NPAP1: variants seen among roughly 807,000 people sequenced by gnomAD.
The protein encoded by NPAP1 is nuclear pore-associated protein 1.
For synonymous variants in NPAP1, 616 were observed against 581.4 expected (o/e 1.06, Z -0.86); for missense variants, 1,483 against 1,454.5 (o/e 1.02, Z -0.32).
In NPAP1 at chr15:24,676,051, G is replaced by A; in HGVS notation, c.184G>A (p.Ala62Thr). 1 of 1,588,092 alleles carries A rather than the reference G, an allele frequency of 6.3e-7. No homozygotes were observed. The highest frequency in any genetic ancestry group is 8.6e-7 in the Non-Finnish European group (1 of 1,169,518). ...RRNARRRPSA[A>T]SIFVAPKRPC... ...GAACGCCCGTCGCAGGCCTTCAGCA[G>A]CCAGCATCTTCGTCGCCCCTAAGAG... is the stretch of plus-strand genomic sequence containing the variant. The change falls in exon 1 of 1, where the codon GCC becomes ACC. Residue 62 changes from alanine (A) to threonine (T), a missense_variant. Transcript: ENST00000329468.
rs1566758494 is a variant in NPAP1, at chr15:24,682,511, CTTT to C, written c.*3175_*3177del. On this transcript the variant is annotated 3_prime_UTR_variant, in exon 1 of 1. Coordinates refer to ENST00000329468, the MANE Select transcript of NPAP1 (RefSeq NM_018958.3). ...ACAACTGAAACTATTTCTAAATATTCTTTTATTTTTTATTAAGATAAAAAGCAA... is the reference window on the plus strand; with the variant it reads ...ACAACTGAAACTATTTCTAAATATTCTATTTTTTATTAAGATAAAAAGCAA... The C allele has an allele frequency of 6.0e-6, 1 of 166,882 alleles. No homozygotes were observed. Among genetic ancestry groups the C allele is most frequent in the Non-Finnish European group, 1.5e-5 (1 of 68,070 alleles). The allele number at this position is 166,882 out of a possible 1,614,324, so 10.3% of individuals were successfully genotyped here.
Position 24,676,771 on chromosome 15 carries a change from A to G in NPAP1, c.904A>G (p.Met302Val), listed in dbSNP as rs758802748. 25 of 1,613,664 alleles carry G rather than the reference A, an allele frequency of 1.5e-5. No individual in the cohort carries two copies. The South Asian group carries it at 2.4e-4, about 16-fold the overall frequency. Reference sequence around the variant, plus strand: ...GATTCCGCTGATGTCCGGAAAGAGGATGCCTGATGAGAAGCCTTTCTGTAT... The same window carrying G: ...GATTCCGCTGATGTCCGGAAAGAGGGTGCCTGATGAGAAGCCTTTCTGTAT... Reference protein sequence around the residue: ...LPIPLMSGKRMPDEKPFCIPP... With the variant: ...LPIPLMSGKRVPDEKPFCIPP... The change falls in exon 1 of 1, where the codon ATG (methionine) becomes GTG (valine). Residue 302 changes from methionine (M) to valine (V), a missense_variant. By Grantham distance (21) the Met-to-Val change is conservative. Transcript: ENST00000329468.
rs2048999407 is a variant in NPAP1 at position 24,679,025 on chromosome 15, C to T, written c.3158C>T (p.Pro1053Leu). Residue 1053 changes from proline to leucine, a missense_variant, in exon 1 of 1, where the codon CCA becomes CTA. Physicochemically the swap from Pro to Leu is moderately conservative, Grantham distance 98 (BLOSUM62 -3). Transcript: ENST00000329468. ...SGTPSTTSVF[P>L]FGQAAWDPTG... ...ACACCCAGCACCACTTCTGTTTTCC[C>T]ATTTGGTCAGGCAGCCTGGGACCCA... The T allele has an allele frequency of 1.9e-6, 3 of 1,614,194 alleles. No homozygotes were observed. Among genetic ancestry groups the T allele is most frequent in the South Asian group, 1.1e-5 (1 of 91,078 alleles).
chr15:24,678,487 A>C lies in NPAP1; in HGVS notation c.2620A>C (p.Ser874Arg), dbSNP rs756551074. Reference protein sequence around the residue: ...DSIASAQVSTSFPAQADRRPT... With the variant: ...DSIASAQVSTRFPAQADRRPT... ...CATTGCCTCAGCCCAAGTCTCCACC[A>C]GTTTTCCTGCACAGGCAGATAGGAG... Residue 874 changes from serine to arginine, a missense_variant, in exon 1 of 1, where the codon AGT (serine) becomes CGT (arginine). By Grantham distance (110) the Ser-to-Arg change is moderately radical. Transcript: ENST00000329468. The C allele has an allele frequency of 1.2e-6, 2 of 1,614,196 alleles. No individual in the cohort carries two copies. Among genetic ancestry groups the C allele is most frequent in the Non-Finnish European group, 1.7e-6 (2 of 1,180,030 alleles).
rs2048994610 is a variant in NPAP1 at position 24,678,611 on chromosome 15, T to G, written c.2744T>G (p.Ile915Ser). ...CAGCAGAAGTCTGACAGTTCTTTTA[T>G]TCTGGGGAATCCAGCAACCCCAGCA... ...DGQQKSDSSF[I>S]LGNPATPAPV... The change falls in exon 1 of 1, where the codon ATT becomes AGT. Residue 915 changes from isoleucine to serine, a missense_variant. Transcript: ENST00000329468. 1 of 1,614,034 alleles carries G rather than the reference T, an allele frequency of 6.2e-7. No individual in the cohort carries two copies. Among genetic ancestry groups the G allele is most frequent in the Middle Eastern group, 1.6e-4 (1 of 6,062 alleles).
In NPAP1 at chr15:24,679,598, C is replaced by A; in HGVS notation, c.*260C>A. 2.1e-6 allele frequency: 1 copy of A among 483,964 alleles called. No homozygotes were observed. The highest frequency in any genetic ancestry group is 3.8e-6 in the Non-Finnish European group (1 of 260,318). 30.0% of individuals were successfully genotyped at this position (483,964 alleles called of 1,614,324 possible). On this transcript the variant is annotated 3_prime_UTR_variant, in exon 1 of 1. Transcript: ENST00000329468. ...GGCAACATATCTTTAATTAGAGGCC[C>A]TTGTGTATCCACCTACCAACAAAGT...
rs921474573 is a variant in NPAP1, at chr15:24,681,859, G to A, written c.*2521G>A. ...ATAGATAGATAATATACATATATATGTATGGTCAATGACTGAGTTCCTTAG... is the reference window on the plus strand; with the variant it reads ...ATAGATAGATAATATACATATATATATATGGTCAATGACTGAGTTCCTTAG... On this transcript the variant is annotated 3_prime_UTR_variant, in exon 1 of 1. Transcript: ENST00000329468. The A allele has an allele frequency of 1.5e-5, 2 of 133,912 alleles. No homozygotes were observed. Among genetic ancestry groups the A allele is most frequent in the African/African-American group, 5.7e-5 (2 of 34,806 alleles). The allele number at this position is 133,912 out of a possible 1,614,324, so 8.3% of individuals were successfully genotyped here.
chr15:24,678,188 T>C lies in NPAP1; in HGVS notation c.2321T>C (p.Phe774Ser), dbSNP rs764123674. 6.2e-7 allele frequency: 1 copy of C among 1,612,914 alleles called. No homozygotes were observed. The highest frequency in any genetic ancestry group is 8.5e-7 in the Non-Finnish European group (1 of 1,179,784). The change falls in exon 1 of 1, where the codon TTT (phenylalanine) becomes TCT (serine). Residue 774 changes from phenylalanine to serine, a missense_variant. Phe to Ser is a radical substitution (Grantham distance 155, BLOSUM62 -2). Coordinates refer to ENST00000329468, the MANE Select transcript of NPAP1 (RefSeq NM_018958.3). ...CCAGGAGCCACCCCTCAACCCAAAT[T>C]TGGGGCCCCTGATGGGCCGCAGCAG... ...LNPGATPQPK[F>S]GAPDGPQQKT...
chr15:24,678,838 A>C lies in NPAP1; in HGVS notation c.2971A>C (p.Thr991Pro). The change falls in exon 1 of 1, where the codon ACT (threonine) becomes CCT (proline). Residue 991 changes from threonine to proline, a missense_variant. Thr to Pro is a conservative substitution (Grantham distance 38). Coordinates refer to ENST00000329468, the MANE Select transcript of NPAP1 (RefSeq NM_018958.3). ...TAGAATTGCCACTGGGATGCCTGGC[A>C]CTGGAGACAGTACCTTACTGGTTGG... ...GFRIATGMPG[T>P]GDSTLLVGNT... is the part of the protein sequence containing the mutation. 4.3e-6 allele frequency: 7 copies of C among 1,614,228 alleles called. No homozygotes were observed. Among genetic ancestry groups the C allele is most frequent in the Non-Finnish European group, 5.9e-6 (7 of 1,180,044 alleles).
At position 24,681,766 on chromosome 15, in the gene NPAP1, TAAAG is replaced by T. The variant is rs1002215458; in HGVS notation, c.*2430_*2433del. 1.1e-4 allele frequency: 19 copies of T among 165,818 alleles called. No homozygotes were observed. Among genetic ancestry groups the T allele is most frequent in the African/African-American group, 3.9e-4 (16 of 41,140 alleles). The allele number at this position is 165,818 out of a possible 1,614,324, so 10.3% of individuals were successfully genotyped here. The stretch of plus-strand genomic sequence containing the variant: ...TTTTGTAGCAATCAGAACTGACTAA[TAAAG>T]ATAGATAGATGATAGATAGATACAT... On this transcript the variant is annotated 3_prime_UTR_variant, in exon 1 of 1. Transcript: ENST00000329468.
rs2048991412 is a variant in NPAP1 at position 24,678,258 on chromosome 15, C to G, written c.2391C>G (p.Ile797Met). The G allele has an allele frequency of 3.1e-6, 5 of 1,613,614 alleles. No individual in the cohort carries two copies. The highest frequency in any genetic ancestry group is 4.2e-6 in the Non-Finnish European group (5 of 1,179,844). Residue 797 changes from isoleucine to methionine, a missense_variant, in exon 1 of 1, where the codon ATC (isoleucine) becomes ATG (methionine). Coordinates refer to ENST00000329468, the MANE Select transcript of NPAP1 (RefSeq NM_018958.3). ...CCCATGATTTCCTGAGCCTTCCTAT[C>G]ATGGTTCCTCCAGACACCTCCACTT... Reference protein sequence around the residue: ...PSAHDFLSLPIMVPPDTSTLV... With the variant: ...PSAHDFLSLPMMVPPDTSTLV...
At position 24,676,317 on chromosome 15, in the gene NPAP1, G is replaced by A. The variant is rs1444705954; in HGVS notation, c.450G>A (p.Glu150=). 1.3e-6 allele frequency: 2 copies of A among 1,523,468 alleles called. No homozygotes were observed. Among genetic ancestry groups the A allele is most frequent in the African/African-American group, 2.8e-5 (2 of 71,802 alleles). The allele number at this position is 1,523,468 out of a possible 1,614,324, so 94.4% of individuals were successfully genotyped here. ...PIPATLLEET[E]VWAQEGPRRV... ...CAGCCACTCTCCTGGAGGAGACCGA[G>A]GTGTGGGCCCAAGAAGGGCCCAGAA... is the stretch of plus-strand genomic sequence containing the variant. Residue 150 remains glutamate, a synonymous_variant, in exon 1 of 1, where the codon GAG becomes GAA. Coordinates refer to ENST00000329468, the MANE Select transcript of NPAP1 (RefSeq NM_018958.3).
In NPAP1 at chr15:24,678,343, A is replaced by T. The variant is rs1223633416; in HGVS notation, c.2476A>T (p.Asn826Tyr). 1.3e-5 allele frequency: 21 copies of T among 1,612,770 alleles called. No homozygotes were observed. Among genetic ancestry groups the T allele is most frequent in the Non-Finnish European group, 1.8e-5 (21 of 1,179,730 alleles). The change falls in exon 1 of 1, where the codon AAT (asparagine) becomes TAT (tyrosine). Residue 826 changes from asparagine to tyrosine, a missense_variant. By Grantham distance (143) the Asn-to-Tyr change is moderately radical. Transcript: ENST00000329468. ...SKPAIDTSDM[N>Y]TTPPSKTVIL... ...GCCTGCCATTGACACCAGTGACATG[A>T]ATACCACCCCTCCTTCCAAAACTGT... is the stretch of plus-strand genomic sequence containing the variant.
Position 24,677,983 on chromosome 15 carries a change from T to C in NPAP1, c.2116T>C (p.Ser706Pro). The C allele has an allele frequency of 6.2e-7, 1 of 1,613,804 alleles. No individual in the cohort carries two copies. The highest frequency in any genetic ancestry group is 8.5e-7 in the Non-Finnish European group (1 of 1,179,992). ...ETNAMHTTPP[S>P]KAVILQSASV... is the part of the protein sequence containing the mutation. ...CAATGCTATGCATACCACTCCTCCT[T>C]CCAAGGCTGTCATCTTGCAGTCTGC... The change falls in exon 1 of 1, where the codon TCC becomes CCC. Residue 706 changes from serine (S) to proline (P), a missense_variant. Transcript: ENST00000329468.
rs2141313454 is a variant in NPAP1, at chr15:24,678,784, C to T, written c.2917C>T (p.Pro973Ser). The T allele has an allele frequency of 6.2e-7, 1 of 1,614,192 alleles. No homozygotes were observed. Among genetic ancestry groups the T allele is most frequent in the African/African-American group, 1.3e-5 (1 of 75,038 alleles). Residue 973 changes from proline to serine, a missense_variant, in exon 1 of 1, where the codon CCC becomes TCC. By Grantham distance (74) the Pro-to-Ser change is moderately conservative. Coordinates refer to ENST00000329468, the MANE Select transcript of NPAP1 (RefSeq NM_018958.3). ...PVEGHNASAF[P>S]NGTAKTSGFR... is the part of the protein sequence containing the mutation. ...CGAGGGTCACAATGCAAGTGCTTTC[C>T]CCAATGGCACAGCAAAGACTTCTGG...
Position 24,678,443 on chromosome 15 carries a change from A to T in NPAP1, c.2576A>T (p.Asn859Ile), listed in dbSNP as rs1937796494. 6.2e-7 allele frequency: 1 copy of T among 1,614,050 alleles called. No individual in the cohort carries two copies. Among genetic ancestry groups the T allele is most frequent in the African/African-American group, 1.3e-5 (1 of 74,934 alleles). The change falls in exon 1 of 1, where the codon AAC becomes ATC. Residue 859 changes from asparagine to isoleucine, a missense_variant. Transcript: ENST00000329468. ...TATATGGGGCTTCCTGGTTCTGGGAACACACTACACAGTGACAGCATTGCC... is the reference window on the plus strand; with the variant it reads ...TATATGGGGCTTCCTGGTTCTGGGATCACACTACACAGTGACAGCATTGCC... ...RFYMGLPGSGNTLHSDSIASA... is the reference protein window; with the variant it reads ...RFYMGLPGSGITLHSDSIASA...
rs2141311971 is a variant in NPAP1, at chr15:24,678,151, C to T, written c.2284C>T (p.His762Tyr). 1.2e-6 allele frequency: 2 copies of T among 1,613,408 alleles called. No homozygotes were observed. The highest frequency in any genetic ancestry group is 1.7e-6 in the Non-Finnish European group (2 of 1,179,890). ...CAGGGCACCAGCTACAGCTTCCAAC[C>T]ATCCTTTAAATCCAGGAGCCACCCC... is the stretch of plus-strand genomic sequence containing the variant. ...SVRAPATASN[H>Y]PLNPGATPQP... Residue 762 changes from histidine to tyrosine, a missense_variant, in exon 1 of 1, where the codon CAT becomes TAT. His to Tyr is a moderately conservative substitution (Grantham distance 83, BLOSUM62 2). Coordinates refer to ENST00000329468, the MANE Select transcript of NPAP1 (RefSeq NM_018958.3).
In NPAP1 at chr15:24,677,217, G is replaced by T. The variant is rs2048982687; in HGVS notation, c.1350G>T (p.Met450Ile). Residue 450 changes from methionine (M) to isoleucine (I), a missense_variant, in exon 1 of 1, where the codon ATG (methionine) becomes ATT (isoleucine). By Grantham distance (10) the Met-to-Ile change is conservative. Coordinates refer to ENST00000329468, the MANE Select transcript of NPAP1 (RefSeq NM_018958.3). ...PIPPLSTTPK[M>I]DEKIAFTIPN... Reference sequence around the variant, plus strand: ...CTCCACTTTCCACCACACCAAAAATGGATGAGAAAATAGCATTCACAATCC... The same window carrying T: ...CTCCACTTTCCACCACACCAAAAATTGATGAGAAAATAGCATTCACAATCC... The T allele has an allele frequency of 6.2e-7, 1 of 1,613,960 alleles. No homozygotes were observed. The highest frequency in any genetic ancestry group is 8.5e-7 in the Non-Finnish European group (1 of 1,180,012).
Position 24,677,911 on chromosome 15 carries a change from G to C in NPAP1, c.2044G>C (p.Val682Leu). 1 of 1,613,618 alleles carries C rather than the reference G, an allele frequency of 6.2e-7. No homozygotes were observed. Among genetic ancestry groups the C allele is most frequent in the Non-Finnish European group, 8.5e-7 (1 of 1,179,950 alleles). ...IIPPPDTSTL[V>L]NSASTASSSK... ...TCCTCCTCCAGACACCTCCACTTTA[G>C]TGAACAGTGCCTCTACAGCATCATC... The change falls in exon 1 of 1, where the codon GTG becomes CTG. Residue 682 changes from valine (V) to leucine (L), a missense_variant. Physicochemically the swap from Val to Leu is conservative, Grantham distance 32. Coordinates refer to ENST00000329468, the MANE Select transcript of NPAP1 (RefSeq NM_018958.3).
Sources: allele counts gnomAD v4.1 joint callset, GRCh38; gene constraint gnomAD v4.1.1; transcripts MANE v1.5; gene names NCBI Gene and HGNC (gene_info 2026-07-23, HGNC 2026-07-21).